The following ESRRB variants were observed in gnomAD, a reference collection of about 807,000 sequenced individuals.
The protein encoded by ESRRB is steroid hormone receptor ERR2.
In ESRRB, 16 loss-of-function variants were observed where a neutral mutation model predicts 46.0. The ratio of observed to expected loss-of-function variants is 0.35; its 90% CI spans 0.24 to 0.53. ESRRB has a LOEUF of 0.53. Among genes scored for constraint, ESRRB ranks in the 20% least tolerant of loss-of-function variants. The pLI, the probability that ESRRB is intolerant of heterozygous loss-of-function variation, is 0.93. For missense variants in ESRRB, 488 were observed against 607.4 expected (o/e 0.80, Z 2.07); for synonymous variants, 246 against 259.6 (o/e 0.95, Z 0.50).
At chr14:76,434,141 C>A (rs1566895942) in intron 1 of ESRRB, among the ~76,000 whole-genome samples, 1 of 152,112 alleles carries the variant, frequency 6.6e-6, no homozygotes, top group South Asian at 2.1e-4. Context: ...CTGCACCTGG[C>A]CTGCCTTTAA....
intron 2 of ESRRB, among the ~76,000 whole-genome samples, chr14:76,446,656 G>A (rs1329781507): frequency 2.0e-5 from 3 of 152,222 alleles, no homozygotes; most frequent in Admixed American, 6.5e-5. Context: ...ACAGCCTGAT[G>A]TGATTAAACA....
intron 2 of ESRRB, among the ~76,000 whole-genome samples, chr14:76,446,793 G>A (rs1888166870): frequency 6.6e-6 from 1 of 152,166 alleles, no homozygotes; most frequent in South Asian, 2.1e-4. Flanking sequence ...TCTTTGCATG[G>A]CATCCCTGAG....
intron 1 of ESRRB, among the ~76,000 whole-genome samples, chr14:76,318,545 G>A (rs17104346): frequency 0.087 from 13,191 of 152,212 alleles, 698 homozygotes; most frequent in East Asian, 0.23. Flanking sequence ...CCTTATCCAC[G>A]TTGTAACAGT....
intron 1 of ESRRB, among the ~76,000 whole-genome samples, chr14:76,414,687 A>AC (rs1343675831): frequency 9.1e-5 from 13 of 142,270 alleles, no homozygotes; most frequent in Non-Finnish European, 2.0e-4. Context: ...AAAAAAAAAA[A>AC]AAAAAACTAT....
chr14:76,353,880 C>T (rs1027735256), intron 1 of ESRRB, among the ~76,000 whole-genome samples: 34 of 152,038 alleles, frequency 2.2e-4, no homozygotes, highest in Admixed American at 3.9e-4. Flanking sequence ...CGGAGGATCA[C>T]GAGCCCAGGA....
chr14:76,461,609 A>G (rs1888865292), intron 2 of ESRRB, among the ~76,000 whole-genome samples: 1 of 152,066 alleles, frequency 6.6e-6, no homozygotes, highest in African/African-American at 2.4e-5. Context: ...CCCGGGTTCA[A>G]GCAATTCTCC....
At position 76,485,626 on chromosome 14, in the gene ESRRB, T is replaced by TGAGAGAGAGAGAGAGA. The variant is rs151021182; in HGVS notation, c.850+2886_850+2901dup. Among the ~76,000 whole-genome samples the TGAGAGAGAGAGAGAGA allele has an allele frequency of 8.5e-3, 1,226 of 143,652 alleles. 3 individuals carry two copies. Among genetic ancestry groups the TGAGAGAGAGAGAGAGA allele is most frequent in the East Asian group, 0.016 (70 of 4,428 alleles). 94.2% of individuals were successfully genotyped at this position (143,652 alleles called of 152,430 possible). On this transcript the variant is annotated intron_variant, in intron 5 of 6. Transcript: ENST00000644823. ...CATCTGAAGATGGGCTCCCTATCCC[T>TGAGAGAGAGAGAGAGA]GAGAGAGAGAGAGAGAGAGAGAGAG... is the stretch of plus-strand genomic sequence containing the variant.
chr14:76,449,518 C>T (rs936221980), intron 2 of ESRRB, among the ~76,000 whole-genome samples: 1 of 151,802 alleles, frequency 6.6e-6, no homozygotes, highest in African/African-American at 2.4e-5. Context: ...ACACTGCACT[C>T]CAGCCTGGGT....
intron 1 of ESRRB, among the ~76,000 whole-genome samples, chr14:76,436,677 C>G (rs1489003375): frequency 1.3e-5 from 2 of 152,182 alleles, no homozygotes; most frequent in Non-Finnish European, 2.9e-5. Context: ...GATGGCCTGC[C>G]AGGCTGATGG....
In ESRRB at chr14:76,491,610, G is replaced by C. The variant is rs1243788442; in HGVS notation, c.1014G>C (p.Leu338=). Residue 338 remains leucine (L), a synonymous_variant, in exon 6 of 7, where the codon CTG becomes CTC. Coordinates refer to ENST00000644823, the MANE Select transcript of ESRRB (RefSeq NM_001379180.1). ...MDEEHSRLAG[L]LELYRAILQL... ...AGGAGCACTCCCGCCTCGCGGGGCT[G>C]CTGGAGCTCTACCGGGCCATCCTGC... 3 of 1,586,130 alleles carry C rather than the reference G, an allele frequency of 1.9e-6. No homozygotes were observed. The highest frequency in any genetic ancestry group is 4.5e-5 in the East Asian group (2 of 44,022).
At position 76,435,801 on chromosome 14, in the gene ESRRB, A is replaced by G. The variant is rs117308659; in HGVS notation, c.51-3540A>G. On this transcript the variant is annotated intron_variant, in intron 1 of 6. Transcript: ENST00000644823. ...AGCCGAGATCACGCCATTGCATTCT[A>G]GGCTGGGTGACACAGTGAGACTCCG... Among the ~76,000 whole-genome samples, 839 of 152,370 alleles carry G rather than the reference A, an allele frequency of 5.5e-3. 4 individuals carry two copies. Among genetic ancestry groups the G allele is most frequent in the Middle Eastern group, 0.01 (3 of 292 alleles).
chr14:76,454,302 T>C (rs763346646), intron 2 of ESRRB, among the ~76,000 whole-genome samples: 2 of 152,154 alleles, frequency 1.3e-5, no homozygotes, highest in Non-Finnish European at 2.9e-5. Flanking sequence ...ATTTCCAGGA[T>C]TGAGATACTG....
intron 1 of ESRRB, among the ~76,000 whole-genome samples, chr14:76,327,437 A>G (rs969628784): frequency 5.3e-5 from 8 of 152,138 alleles, no homozygotes; most frequent in Non-Finnish European, 8.8e-5. Flanking sequence ...GTGAGGTGGT[A>G]GGTTTTCTAG....
chr14:76,352,182 C>T (rs761921798), intron 1 of ESRRB, among the ~76,000 whole-genome samples: 3 of 152,062 alleles, frequency 2.0e-5, no homozygotes, highest in African/African-American at 4.8e-5. Flanking sequence ...CTCCTTTACC[C>T]GCCTGACTTT....
In ESRRB at chr14:76,413,991, G is replaced by A. The variant is rs544042312; in HGVS notation, c.51-25350G>A. 2.0e-4 allele frequency among the ~76,000 whole-genome samples: 9 copies of A among 45,902 alleles called. No homozygotes were observed. The South Asian group carries it at 0.013, about 65-fold the overall frequency. 30.1% of individuals were successfully genotyped at this position (45,902 alleles called of 152,430 possible). A position where few individuals can be genotyped will look rare whatever the true frequency, so the allele number is the denominator to read the frequency against. ...CGTCCCCGCCCCTGCACCGTCCGCCGCCCCTGCACCGTCCGCCGCCCCTGC... is the reference window on the plus strand; with the variant it reads ...CGTCCCCGCCCCTGCACCGTCCGCCACCCCTGCACCGTCCGCCGCCCCTGC... On this transcript the variant is annotated intron_variant, in intron 1 of 6. Transcript: ENST00000644823.
At chr14:76,315,389 C>T (rs1328828057) in intron 1 of ESRRB, among the ~76,000 whole-genome samples, 2 of 152,162 alleles carry the variant, frequency 1.3e-5, no homozygotes, top group Admixed American at 6.5e-5. Flanking sequence ...TGCCCTGACC[C>T]GTGCTCTACG....
At chr14:76,483,914 C>T (rs943489749) in intron 5 of ESRRB, among the ~76,000 whole-genome samples, 1 of 152,160 alleles carries the variant, frequency 6.6e-6, no homozygotes, top group Non-Finnish European at 1.5e-5. Flanking sequence ...AGTGTAATGG[C>T]GCGATCTCGG....
chr14:76,423,827 G>A (rs1163693757), intron 1 of ESRRB, among the ~76,000 whole-genome samples: 1 of 151,988 alleles, frequency 6.6e-6, no homozygotes, highest in African/African-American at 2.4e-5. Context: ...CCTGAGGTGG[G>A]AGCGTGATTG....
intron 1 of ESRRB, among the ~76,000 whole-genome samples, chr14:76,359,041 A>C (rs1250981914): frequency 6.6e-6 from 1 of 152,224 alleles, no homozygotes. Context: ...CTGCCCTGAA[A>C]TAACCTTCTA....
Sources: gnomAD v4.1 joint callset for allele counts (sites outside exome capture counted in the v4.1 genomes callset) on GRCh38, gnomAD v4.1.1 for gene constraint, MANE v1.5 for transcripts, NCBI Gene and HGNC (gene_info 2026-07-23, HGNC 2026-07-21) for gene names.